The following TFB1M variants were observed in gnomAD, a reference collection of about 807,000 sequenced individuals.
The protein encoded by TFB1M is dimethyladenosine transferase 1, mitochondrial.
TFB1M carries 27 observed loss-of-function variants against 31.1 expected under a neutral mutation model. That is an observed-to-expected ratio of 0.87 (90% CI 0.64 to 1.20). TFB1M has a LOEUF of 1.20. Among genes scored for constraint, TFB1M ranks in the 50% most tolerant of loss-of-function variants. The probability of loss-of-function intolerance (pLI) is 0.00; values close to 1 mark genes in which losing one functional copy is unlikely to be tolerated. For synonymous variants in TFB1M, 166 were observed against 151.8 expected, an observed-to-expected ratio of 1.09 and a Z score of -0.69; for missense variants, 394 against 418.7, an observed-to-expected ratio of 0.94 and a Z score of 0.51.
downstream of TFB1M, among the ~76,000 whole-genome samples, chr6:155,252,319 A>G (rs983164033): frequency 6.6e-6 from 1 of 152,088 alleles, no homozygotes; most frequent in Non-Finnish European, 1.5e-5. Flanking sequence ...CAAAAATACA[A>G]GTAACTGGGT....
At position 155,266,134 on chromosome 6, in the gene TFB1M, A is replaced by C. The variant is rs1015251003; in HGVS notation, c.667-5734T>G. Among the ~76,000 whole-genome samples, 7 of 152,328 alleles carry C rather than the reference A, an allele frequency of 4.6e-5. No individual in the cohort carries two copies. The East Asian group carries it at 1.3e-3, about 29-fold the overall frequency. ...CACCCTCACAGATACACCCAGGATCAATACTTTGTATCCTTCAATCCAATC... is the reference window on the plus strand; with the variant it reads ...CACCCTCACAGATACACCCAGGATCCATACTTTGTATCCTTCAATCCAATC... On this transcript the variant is annotated intron_variant, in intron 5 of 6. Transcript: ENST00000367166.
At chr6:155,275,852 G>A in intron 5 of TFB1M, 1 of 1,614,148 alleles carries the variant, frequency 6.2e-7, no homozygotes. Flanking sequence ...AACAGCCATT[G>A]TACAGCTGCA....
intron 5 of TFB1M, 66 bp downstream of exon 5, chr6:155,285,092 T>C: frequency 6.3e-7 from 1 of 1,595,434 alleles, no homozygotes; most frequent in East Asian, 2.2e-5. Flanking sequence ...TTATTTCCTA[T>C]GACACATCCT....
At chr6:155,276,022 A>G in intron 5 of TFB1M, 3 of 1,614,172 alleles carry the variant, frequency 1.9e-6, no homozygotes, top group Non-Finnish European at 2.5e-6. Context: ...CCACAGTAGG[A>G]ATGAAATGTA....
the TFB1M span, among the ~76,000 whole-genome samples, chr6:155,248,638 A>T: frequency 2.0e-5 from 3 of 152,134 alleles, no homozygotes; most frequent in African/African-American, 7.2e-5. Flanking sequence ...CGGCTTCAAA[A>T]CCAAACTCCC....
downstream of TFB1M, chr6:155,253,296 G>T: frequency 2.1e-6 from 1 of 481,976 alleles, no homozygotes; most frequent in Non-Finnish European, 3.7e-6. Context: ...CCTATCAATA[G>T]TTTTCAACAT....
chr6:155,247,998 A>G, the TFB1M span: 1 of 1,613,614 alleles, frequency 6.2e-7, no homozygotes, highest in Non-Finnish European at 8.5e-7. Flanking sequence ...ATCTGCTTGT[A>G]GCTAAAACTG....
At chr6:155,312,985 C>T (rs1344948292) in intron 1 of TFB1M, among the ~76,000 whole-genome samples, 1 of 152,084 alleles carries the variant, frequency 6.6e-6, no homozygotes, top group East Asian at 1.9e-4. Flanking sequence ...TGGTGGCTCA[C>T]ACCTGTAATC....
rs375542672 is a variant in TFB1M, at chr6:155,260,846, G to A, written c.667-446C>T. 7 of 269,382 alleles carry A rather than the reference G, an allele frequency of 2.6e-5. No homozygotes were observed. The East Asian group carries it at 2.8e-4, about 11-fold the overall frequency. 16.7% of individuals were successfully genotyped at this position (269,382 alleles called of 1,614,324 possible). On this transcript the variant is annotated intron_variant, in intron 5 of 6. Transcript: ENST00000367166. ...CACTCAGTGCTAAACTTCCCAGATA[G>A]AGACACCACTTATTTTCGGTAGACA...
chr6:155,314,086 G>A (rs988988729), intron 1 of TFB1M: 25 of 1,443,828 alleles, frequency 1.7e-5, no homozygotes, highest in African/African-American at 1.1e-4. Context: ...ACACCCCCCC[G>A]AACGCGGAGT....
chr6:155,282,901 G>T (rs1000152588), intron 5 of TFB1M, among the ~76,000 whole-genome samples: 2 of 151,850 alleles, frequency 1.3e-5, no homozygotes, highest in Non-Finnish European at 2.9e-5. Flanking sequence ...CTAATTTTTT[G>T]TATTTTTAGT....
chr6:155,302,909 G>A (rs1295385581), intron 2 of TFB1M, among the ~76,000 whole-genome samples: 1 of 152,128 alleles, frequency 6.6e-6, no homozygotes, highest in Non-Finnish European at 1.5e-5. Flanking sequence ...AAGTAAACAC[G>A]TCCTTCTTCA....
chr6:155,290,693 C>T (rs1296496811), intron 4 of TFB1M, among the ~76,000 whole-genome samples: 2 of 152,126 alleles, frequency 1.3e-5, no homozygotes, highest in African/African-American at 4.8e-5. Flanking sequence ...CTTCTTAAGC[C>T]TCTGTTTCTT....
chr6:155,283,324 T>C (rs769657951), intron 5 of TFB1M, among the ~76,000 whole-genome samples: 5 of 152,136 alleles, frequency 3.3e-5, no homozygotes, highest in African/African-American at 7.2e-5. Flanking sequence ...CCTTGATAAG[T>C]GCTTTTCTGG....
At chr6:155,274,297 A>T (rs1785070873) in intron 5 of TFB1M, among the ~76,000 whole-genome samples, 1 of 152,246 alleles carries the variant, frequency 6.6e-6, no homozygotes, top group African/African-American at 2.4e-5. Context: ...ATAAGGCAGT[A>T]AGCAGTGCCA....
chr6:155,278,333 G>A (rs1383378546), intron 5 of TFB1M, among the ~76,000 whole-genome samples: 1 of 152,220 alleles, frequency 6.6e-6, no homozygotes, highest in East Asian at 1.9e-4. Context: ...TTTAATAAAT[G>A]CTCTCATTTA....
At chr6:155,265,187 C>G (rs1386179679) in intron 5 of TFB1M, among the ~76,000 whole-genome samples, 1 of 152,160 alleles carries the variant, frequency 6.6e-6, no homozygotes, top group Non-Finnish European at 1.5e-5. Context: ...TTCGAGGCTG[C>G]CCAGCCGGGC....
At position 155,256,760 on chromosome 6, in the gene TFB1M, G is replaced by A. The variant is rs1361946022; in HGVS notation, c.*1076C>T. On this transcript the variant is annotated 3_prime_UTR_variant, in exon 7 of 7. Transcript: ENST00000367166. ...GACCACCGTCAGACTGTGAAGCAGG[G>A]CAGCCCTACTAAAGACATCGAAATT... 2 of 1,614,108 alleles carry A rather than the reference G, an allele frequency of 1.2e-6. No individual in the cohort carries two copies. The highest frequency in any genetic ancestry group is 2.2e-5 in the East Asian group (1 of 44,894).
At chr6:155,288,821 G>A (rs111717589) in intron 4 of TFB1M, among the ~76,000 whole-genome samples, 12 of 152,298 alleles carry the variant, frequency 7.9e-5, no homozygotes, top group African/African-American at 2.9e-4. Context: ...TTCAAAGCTA[G>A]CATAAAACTG....
Sources: gnomAD v4.1 joint callset for allele counts (sites outside exome capture counted in the v4.1 genomes callset) on GRCh38, gnomAD v4.1.1 for gene constraint, MANE v1.5 for transcripts, NCBI Gene and HGNC (gene_info 2026-07-23, HGNC 2026-07-21) for gene names.